Variants in SNX19 observed in about 807,000 individuals in gnomAD.
SNX19 encodes sorting nexin-19.
A neutral mutation model predicts 85.2 loss-of-function variants in SNX19; 60 were observed. The observed-to-expected ratio is 0.70, with a 90% CI of 0.57 to 0.87. The LOEUF is 0.87. SNX19 is among the 40% of genes least tolerant of loss of function. The pLI is 0.00. For synonymous variants in SNX19, 520 were observed against 470.0 expected, an observed-to-expected ratio of 1.11 and a Z score of -1.38; for missense variants, 1,201 against 1,217.8, an observed-to-expected ratio of 0.99 and a Z score of 0.21.
chr11:130,879,546 A>T, intron 10 of SNX19, 78 bp downstream of exon 10: 1 of 1,271,090 alleles, frequency 7.9e-7, no homozygotes, highest in Non-Finnish European at 1.1e-6. Flanking sequence ...TGGGCTTTTC[A>T]CTCAGAAACC....
chr11:130,891,790 C>T (rs6590523), intron 8 of SNX19, among the ~76,000 whole-genome samples: 4 of 151,056 alleles, frequency 2.6e-5, no homozygotes, highest in African/African-American at 9.7e-5. Flanking sequence ...AAAGCTCTAA[C>T]AATTTCTATA....
intron 8 of SNX19, among the ~76,000 whole-genome samples, chr11:130,894,236 G>T (rs1372835638): frequency 1.3e-5 from 2 of 152,124 alleles, no homozygotes; most frequent in Non-Finnish European, 2.9e-5. Flanking sequence ...TGTCTAGCTG[G>T]TCTCATCACC....
chr11:130,893,846 T>G (rs1436069368), intron 8 of SNX19: 4 of 701,974 alleles, frequency 5.7e-6, no homozygotes, highest in African/African-American at 1.7e-5. Context: ...AGCATTATAT[T>G]AGAGCTAAAG....
chr11:130,886,049 G>GC (rs1944041787), intron 8 of SNX19, among the ~76,000 whole-genome samples: 2 of 152,072 alleles, frequency 1.3e-5, no homozygotes. Flanking sequence ...TCCAAACATT[G>GC]CGGCATGTCC....
intron 7 of SNX19, chr11:130,905,539 G>A (rs1001307770): frequency 4.2e-6 from 3 of 718,280 alleles, no homozygotes; most frequent in East Asian, 3.3e-5. Flanking sequence ...ATCAAGCTCT[G>A]GCAGGTGGAT....
chr11:130,911,525 C>T, intron 2 of SNX19, 108 bp downstream of exon 2: 1 of 1,556,904 alleles, frequency 6.4e-7, no homozygotes. Context: ...GAGCAGAGAA[C>T]CTTGAAACGG....
chr11:130,882,515 T>C (rs1034793111), intron 8 of SNX19, among the ~76,000 whole-genome samples: 3 of 152,216 alleles, frequency 2.0e-5, no homozygotes, highest in African/African-American at 7.2e-5. Context: ...TGTAAGGTAA[T>C]AGCAGGGCAA....
At position 130,870,827 on chromosome 11, in the gene SNX19, G is replaced by GA; in HGVS notation, c.*7594_*7595insT. On this transcript the variant is annotated 3_prime_UTR_variant, in exon 11 of 11. Transcript: ENST00000265909. ...TGCACTAGGTATATACATATAGTTG[G>GA]GGGGGGGGCATAAGGACATAATAGG... Among the ~76,000 whole-genome samples, 1 of 37,964 alleles carries GA rather than the reference G, an allele frequency of 2.6e-5. No individual in the cohort carries two copies. The highest frequency in any genetic ancestry group is 9.5e-5 in the African/African-American group (1 of 10,576). 24.9% of individuals were successfully genotyped at this position (37,964 alleles called of 152,430 possible). A position where few individuals can be genotyped will look rare whatever the true frequency, so the allele number is the denominator to read the frequency against.
Position 130,908,034 on chromosome 11 carries a change from G to C in SNX19, c.2084C>G (p.Ser695Cys), listed in dbSNP as rs375635584. Residue 695 changes from serine (S) to cysteine (C), a missense_variant, in exon 5 of 11, where the codon TCT (serine) becomes TGT (cysteine). Transcript: ENST00000265909. Reference sequence around the variant, plus strand: ...CTCCTCTGTGGGGCTCTGGGGTTCAGAGCGAGGAAACGCTGTCTTCAAGGT... The same window carrying C: ...CTCCTCTGTGGGGCTCTGGGGTTCACAGCGAGGAAACGCTGTCTTCAAGGT... ...VDTLKTAFPR[S>C]EPQSPTEELS... 6 of 1,614,054 alleles carry C rather than the reference G, an allele frequency of 3.7e-6. No individual in the cohort carries two copies. Among genetic ancestry groups the C allele is most frequent in the Non-Finnish European group, 5.1e-6 (6 of 1,180,052 alleles).
In SNX19 at chr11:130,908,432, C is replaced by T. The variant is rs117723873; in HGVS notation, c.2035-349G>A. On this transcript the variant is annotated intron_variant, in intron 4 of 10. Transcript: ENST00000265909. ...AAGTAAAAAGGTGATTTCTAGTTTC[C>T]AAATCGGTAACACCTTCATCAAGAT... is the stretch of plus-strand genomic sequence containing the variant. 2.3e-3 allele frequency: 409 copies of T among 175,522 alleles called. 12 individuals carry two copies. In the East Asian group the frequency reaches 0.051, roughly 22 times the overall value. 10.9% of individuals were successfully genotyped at this position (175,522 alleles called of 1,614,324 possible). A position where few individuals can be genotyped will look rare whatever the true frequency, so the allele number is the denominator to read the frequency against.
rs1049995890 is a variant in SNX19 at position 130,877,118 on chromosome 11, A to C, written c.*1304T>G. The stretch of plus-strand genomic sequence containing the variant: ...CTTCCTCCGAGTGGTAGGCTCTGGT[A>C]ATTCAGCGAAAGCAAGGCGCTAACA... On this transcript the variant is annotated 3_prime_UTR_variant, in exon 11 of 11. Transcript: ENST00000265909. The C allele has an allele frequency of 6.6e-6, 1 of 152,240 alleles. No individual in the cohort carries two copies. 9.4% of individuals were successfully genotyped at this position (152,240 alleles called of 1,614,324 possible).
chr11:130,884,191 T>C (rs570926146), intron 8 of SNX19, among the ~76,000 whole-genome samples: 15 of 152,318 alleles, frequency 9.8e-5, no homozygotes, highest in African/African-American at 3.4e-4. Context: ...CATTTCATTA[T>C]CTAACTTTAT....
rs1393346330 is a variant in SNX19 at position 130,873,353 on chromosome 11, C to T, written c.*5069G>A. Among the ~76,000 whole-genome samples the T allele has an allele frequency of 1.3e-5, 2 of 152,190 alleles. No homozygotes were observed. Among genetic ancestry groups the T allele is most frequent in the Admixed American group, 1.3e-4 (2 of 15,288 alleles). On this transcript the variant is annotated 3_prime_UTR_variant, in exon 11 of 11. Transcript: ENST00000265909. ...TGCTGCAAAACCTAGTATTTAGTCT[C>T]CAGACCTTTACAGAGAAAGTTTGCT...
chr11:130,886,268 C>T (rs1314539293), intron 8 of SNX19, among the ~76,000 whole-genome samples: 2 of 152,086 alleles, frequency 1.3e-5, no homozygotes, highest in African/African-American at 2.4e-5. Flanking sequence ...TTTGGAGACA[C>T]TTGTTTCGTA....
At chr11:130,879,539 G>T in intron 10 of SNX19, 85 bp downstream of exon 10, 1 of 1,171,134 alleles carries the variant, frequency 8.5e-7, no homozygotes, top group Non-Finnish European at 1.3e-6. Flanking sequence ...TGGAATGTGG[G>T]CTTTTCACTC....
chr11:130,915,713 C>A lies in SNX19; in HGVS notation c.227G>T (p.Arg76Leu). 1 of 1,614,186 alleles carries A rather than the reference C, an allele frequency of 6.2e-7. No homozygotes were observed. The highest frequency in any genetic ancestry group is 8.5e-7 in the Non-Finnish European group (1 of 1,180,038). ...GSSLAGVASG[R>L]LHLERFIPLA... is the part of the protein sequence containing the mutation. ...CGGGATGAAGCGTTCCAGATGCAGT[C>A]GACCTGAAGCCACTCCAGCGAGGCT... The change falls in exon 1 of 11, where the codon CGA becomes CTA. Residue 76 changes from arginine (R) to leucine (L), a missense_variant. Coordinates refer to ENST00000265909, the MANE Select transcript of SNX19 (RefSeq NM_014758.3).
At chr11:130,902,002 C>T (rs147533931) in intron 8 of SNX19, among the ~76,000 whole-genome samples, 31 of 152,276 alleles carry the variant, frequency 2.0e-4, no homozygotes, top group African/African-American at 5.8e-4. Context: ...CTTAAAGGGA[C>T]AAAGACCAGT....
In SNX19 at chr11:130,875,045, G is replaced by A. The variant is rs928392373; in HGVS notation, c.*3377C>T. On this transcript the variant is annotated 3_prime_UTR_variant, in exon 11 of 11. Coordinates refer to ENST00000265909, the MANE Select transcript of SNX19 (RefSeq NM_014758.3). ...CTAAAATAATTAAAAGCAGGGCCTC[G>A]AAGAAACAGTCACACTCCCATGTTC... is the stretch of plus-strand genomic sequence containing the variant. 6.6e-6 allele frequency among the ~76,000 whole-genome samples: 1 copy of A among 152,180 alleles called. No individual in the cohort carries two copies. Among genetic ancestry groups the A allele is most frequent in the Admixed American group, 6.5e-5 (1 of 15,274 alleles).
At chr11:130,883,368 G>GT (rs1447582867) in intron 8 of SNX19, among the ~76,000 whole-genome samples, 1 of 152,166 alleles carries the variant, frequency 6.6e-6, no homozygotes, top group East Asian at 1.9e-4. Flanking sequence ...CAAAGACACT[G>GT]TCAAGCACTG....
Sources: gnomAD v4.1 joint callset for allele counts (sites outside exome capture counted in the v4.1 genomes callset) on GRCh38, gnomAD v4.1.1 for gene constraint, MANE v1.5 for transcripts, NCBI Gene and HGNC (gene_info 2026-07-23, HGNC 2026-07-21) for gene names.